THTPA: variants seen among roughly 807,000 people sequenced by gnomAD.
THTPA encodes the protein thiamine-triphosphatase.
In THTPA, 16 loss-of-function variants were observed where a neutral mutation model predicts 16.5. That is an observed-to-expected ratio of 0.97 (90% confidence interval 0.66 to 1.47). The LOEUF is 1.47. THTPA is among the 40% of genes most tolerant of loss of function. The pLI is 0.00. For synonymous variants in THTPA, 110 were observed against 115.5 expected (o/e 0.95, Z 0.30); for missense variants, 281 against 280.9 (o/e 1.00, Z 0.00).
the THTPA span, chr14:23,523,210 G>A: frequency 7.0e-7 from 1 of 1,423,712 alleles, no homozygotes; most frequent in Non-Finnish European, 9.1e-7. This position sits in a 1 kb window ranked among gnomAD's most constrained non-coding sequence, Gnocchi z 4.1. Flanking sequence ...CACCTGAATT[G>A]AAAGGAGCTA....
the THTPA span, chr14:23,534,640 C>G: frequency 6.5e-7 from 1 of 1,536,190 alleles, no homozygotes; most frequent in Non-Finnish European, 8.7e-7. The surrounding 1 kb of genome is among the most constrained non-coding windows in gnomAD (Gnocchi z 4.5). Context: ...GTGGTTGCCC[C>G]CGCTGTTCCC....
the THTPA span, among the ~76,000 whole-genome samples, chr14:23,512,486 C>T: frequency 6.6e-6 from 1 of 151,754 alleles, no homozygotes; most frequent in Non-Finnish European, 1.5e-5. Context: ...AAGAAACAAC[C>T]ACAGGCGCAG....
the THTPA span, among the ~76,000 whole-genome samples, chr14:23,550,655 A>G: frequency 6.6e-6 from 1 of 152,164 alleles, no homozygotes; most frequent in Non-Finnish European, 1.5e-5. Flanking sequence ...AGGGCTGCTC[A>G]GAGGGGCAGA....
rs1340875709 is a variant in THTPA at position 23,557,163 on chromosome 14, G to A, written c.406G>A (p.Asp136Asn). Residue 136 changes from aspartate (D) to asparagine (N), a missense_variant, in exon 1 of 2, where the codon GAT (aspartate) becomes AAT (asparagine). By Grantham distance (23) the Asp-to-Asn change is conservative. Coordinates refer to ENST00000288014, the MANE Select transcript of THTPA (RefSeq NM_024328.6). ...SAWKLVLLGA[D>N]EEEPQLRVDL... is the part of the protein sequence containing the mutation. ...CTGGAAGCTGGTGCTCTTGGGAGCTGATGAAGAGGAGCCACAGCTCAGGGT... is the reference window on the plus strand; with the variant it reads ...CTGGAAGCTGGTGCTCTTGGGAGCTAATGAAGAGGAGCCACAGCTCAGGGT... 6.2e-7 allele frequency: 1 copy of A among 1,614,150 alleles called. No individual in the cohort carries two copies. The highest frequency in any genetic ancestry group is 2.2e-5 in the East Asian group (1 of 44,878).
the THTPA span, among the ~76,000 whole-genome samples, chr14:23,548,215 G>C: frequency 2.0e-5 from 3 of 152,062 alleles, no homozygotes; most frequent in South Asian, 6.2e-4. Flanking sequence ...CCTGCCTTTT[G>C]ATCCAACCAT....
At chr14:23,524,693 G>A in the THTPA span, 1 of 1,536,302 alleles carries the variant, frequency 6.5e-7, no homozygotes, top group Non-Finnish European at 8.7e-7. This position sits in a 1 kb window ranked among gnomAD's most constrained non-coding sequence, Gnocchi z 5.6. Context: ...TCCTGCCTTT[G>A]TTGCCTCTGC....
At chr14:23,557,733 G>C (rs1440066093) in intron 1 of THTPA, among the ~76,000 whole-genome samples, 1 of 151,878 alleles carries the variant, frequency 6.6e-6, no homozygotes, top group Non-Finnish European at 1.5e-5. Flanking sequence ...TCCCTGCTTT[G>C]ACTCTTCCTT....
the THTPA span, among the ~76,000 whole-genome samples, chr14:23,518,080 G>A: frequency 2.6e-5 from 4 of 152,158 alleles, no homozygotes; most frequent in African/African-American, 9.7e-5. The surrounding 1 kb of genome is among the most constrained non-coding windows in gnomAD (Gnocchi z 4.5). Flanking sequence ...TTATACATAT[G>A]CCCATGGGGC....
chr14:23,521,825 G>C, the THTPA span: 3 of 1,402,814 alleles, frequency 2.1e-6, no homozygotes, highest in Non-Finnish European at 2.8e-6. Context: ...TGCCCACTGA[G>C]GGTGGGAACT....
the THTPA span, chr14:23,542,088 G>C: frequency 6.6e-6 from 1 of 152,522 alleles, no homozygotes; most frequent in Non-Finnish European, 1.5e-5. Context: ...GGGAAGGAGA[G>C]AGGGAGAGGT....
At chr14:23,555,696 A>G (rs1424822465), upstream of THTPA, 1 of 92,336 alleles carries the variant, frequency 1.1e-5, no homozygotes, top group Non-Finnish European at 2.3e-5. Context: ...CCCCACCCCA[A>G]CCCCCCTCGC....
chr14:23,522,261 A>G, the THTPA span: 3 of 1,486,434 alleles, frequency 2.0e-6, no homozygotes, highest in Non-Finnish European at 2.7e-6. Context: ...CCAAAGAAGC[A>G]GAAGGATCTC....
At chr14:23,538,417 T>C in the THTPA span, among the ~76,000 whole-genome samples, 3 of 152,102 alleles carry the variant, frequency 2.0e-5, no homozygotes, top group South Asian at 4.2e-4. Context: ...TTGCTTTTTT[T>C]CCCCTCATTG....
At chr14:23,522,271 C>T in the THTPA span, 1 of 1,495,276 alleles carries the variant, frequency 6.7e-7, no homozygotes, top group East Asian at 2.5e-5. Flanking sequence ...AGAAGGATCT[C>T]TGGTGGGCAG....
chr14:23,512,550 G>T, the THTPA span, among the ~76,000 whole-genome samples: 68 of 42,952 alleles, frequency 1.6e-3, 1 homozygote, highest in East Asian at 0.011. Flanking sequence ...CCCCACCCCA[G>T]CCACCCCTCC....
the THTPA span, chr14:23,532,380 A>G: frequency 1.5e-6 from 1 of 666,182 alleles, no homozygotes; most frequent in East Asian, 3.1e-5. Context: ...AGAGTTTACT[A>G]TCCTTTGGTC....
the THTPA span, chr14:23,527,772 G>T: frequency 5.2e-6 from 8 of 1,536,014 alleles, no homozygotes; most frequent in African/African-American, 8.2e-5. Flanking sequence ...TGGACTCTGG[G>T]CTCAGGAAGC....
Position 23,557,265 on chromosome 14 carries a change from A to G in THTPA, c.508A>G (p.Thr170Ala), listed in dbSNP as rs772577215. 5 of 1,609,588 alleles carry G rather than the reference A, an allele frequency of 3.1e-6. No individual in the cohort carries two copies. The highest frequency in any genetic ancestry group is 4.2e-6 in the Non-Finnish European group (5 of 1,179,802). Residue 170 changes from threonine (T) to alanine (A), a missense_variant, in exon 1 of 2, where the codon ACT (threonine) becomes GCT (alanine). Physicochemically the swap from Thr to Ala is moderately conservative, Grantham distance 58. Coordinates refer to ENST00000288014, the MANE Select transcript of THTPA (RefSeq NM_024328.6). ...GGTGCATGAGGAGGCTGAAGTACCA[A>G]CTGCCCTAGAGAAGATCCACAGGCT... ...ALVHEEAEVP[T>A]ALEKIHRLSS...
At chr14:23,537,534 G>T in the THTPA span, among the ~76,000 whole-genome samples, 1 of 152,116 alleles carries the variant, frequency 6.6e-6, no homozygotes, top group African/African-American at 2.4e-5. Flanking sequence ...CCCTCCTCCT[G>T]GGGTTCTAGC....
Sources: allele counts gnomAD v4.1 joint callset (sites outside exome capture counted in the v4.1 genomes callset), GRCh38; gene constraint gnomAD v4.1.1; non-coding constraint Gnocchi (gnomAD v3.1); transcripts MANE v1.5; gene names NCBI Gene and HGNC (gene_info 2026-07-23, HGNC 2026-07-21).